TEX29: variants seen among roughly 807,000 people sequenced by gnomAD.
TEX29 encodes the protein testis expressed 29.
TEX29 carries 26 observed loss-of-function variants against 18.2 expected under a neutral mutation model. The ratio of observed to expected loss-of-function variants is 1.43; its 90% CI spans 1.04 to 1.98. The LOEUF is 1.98. Ranked by LOEUF, TEX29 falls within the 30% of genes most tolerant of loss-of-function variation. The probability of loss-of-function intolerance (pLI) is 0.00; values close to 1 mark genes in which losing one functional copy is unlikely to be tolerated. For synonymous variants in TEX29, 83 were observed against 78.5 expected, an observed-to-expected ratio of 1.06 and a Z score of -0.31; for missense variants, 177 against 194.2, an observed-to-expected ratio of 0.91 and a Z score of 0.53.
In TEX29 at chr13:111,333,859, C is replaced by T. The variant is rs545185369; in HGVS notation, c.169+5566C>T. 2.0e-5 allele frequency among the ~76,000 whole-genome samples: 3 copies of T among 152,260 alleles called. No homozygotes were observed. In the East Asian group the frequency reaches 5.8e-4, roughly 29 times the overall value. ...CATGAGACTATCATGGAGTAAACTG[C>T]CCCCATGAGCCAACCACCTCCCACC... On this transcript the variant is annotated intron_variant, in intron 3 of 5. Transcript: ENST00000283547.
chr13:111,342,656 C>T, intron 4 of TEX29, 100 bp from the exon 5 acceptor site: 4 of 1,145,142 alleles, frequency 3.5e-6, no homozygotes, highest in South Asian at 1.6e-5. Context: ...TGATCAGGAA[C>T]CTGTGTTTTC....
At chr13:111,325,803 A>G (rs1340495622) in intron 2 of TEX29, among the ~76,000 whole-genome samples, 1 of 152,236 alleles carries the variant, frequency 6.6e-6, no homozygotes, top group Admixed American at 6.5e-5. Context: ...ATGAGAAAGA[A>G]TGTATGAACG....
intron 3 of TEX29, among the ~76,000 whole-genome samples, chr13:111,338,679 G>T (rs2093692861): frequency 6.6e-6 from 1 of 152,194 alleles, no homozygotes; most frequent in African/African-American, 2.4e-5. Context: ...GTTTCTTTGA[G>T]AGAGTAAGAA....
At chr13:111,321,708 A>C (rs930033435) in intron 2 of TEX29, among the ~76,000 whole-genome samples, 6 of 152,182 alleles carry the variant, frequency 3.9e-5, no homozygotes, top group Non-Finnish European at 8.8e-5. Context: ...GGGCCACCTG[A>C]GGTCAGGAGT....
intron 2 of TEX29, among the ~76,000 whole-genome samples, chr13:111,323,220 G>GC (rs2093667578): frequency 6.6e-6 from 1 of 152,212 alleles, no homozygotes; most frequent in Non-Finnish European, 1.5e-5. Flanking sequence ...CCTCCAGACA[G>GC]CCCCCTAGCA....
chr13:111,328,383 G>A (rs1477978860), intron 3 of TEX29, 90 bp downstream of exon 3: 2 of 870,710 alleles, frequency 2.3e-6, no homozygotes, highest in Non-Finnish European at 3.8e-6. Context: ...CTTCCTCGGG[G>A]TCTCTGTTTG....
intron 3 of TEX29, among the ~76,000 whole-genome samples, chr13:111,329,057 T>C (rs2093678699): frequency 6.6e-6 from 1 of 152,240 alleles, no homozygotes; most frequent in African/African-American, 2.4e-5. Context: ...TGCACTGGCC[T>C]GCGCCGCTGA....
chr13:111,324,594 T>C (rs1035090365), intron 2 of TEX29, among the ~76,000 whole-genome samples: 2 of 151,602 alleles, frequency 1.3e-5, no homozygotes, highest in Non-Finnish European at 2.9e-5. Flanking sequence ...CTAGGAAGAA[T>C]TCCTGCAAGT....
chr13:111,343,261 C>T (rs1211017144), intron 5 of TEX29, among the ~76,000 whole-genome samples: 1 of 152,120 alleles, frequency 6.6e-6, no homozygotes, highest in Non-Finnish European at 1.5e-5. Flanking sequence ...GCAGAAACTG[C>T]ACATTTGATC....
At chr13:111,320,973 G>T (rs2153641104) in intron 2 of TEX29, 25 bp downstream of exon 2, 4 of 1,536,882 alleles carry the variant, frequency 2.6e-6, no homozygotes, top group Non-Finnish European at 3.6e-6. Context: ...CGCCAGGGGG[G>T]CGGGTGGGGT....
intron 3 of TEX29, among the ~76,000 whole-genome samples, chr13:111,334,420 G>C (rs938196101): frequency 2.6e-5 from 4 of 152,264 alleles, no homozygotes; most frequent in Non-Finnish European, 5.9e-5. Flanking sequence ...TGTGCGTGCT[G>C]AGGCACACCT....
At chr13:111,326,618 C>G (rs1272858583) in intron 2 of TEX29, among the ~76,000 whole-genome samples, 1 of 144,468 alleles carries the variant, frequency 6.9e-6, no homozygotes, top group African/African-American at 2.6e-5. Context: ...GCGAGCCTGT[C>G]TGGTGGGGTG....
intron 3 of TEX29, among the ~76,000 whole-genome samples, chr13:111,329,037 C>G (rs1031059159): frequency 6.6e-6 from 1 of 152,250 alleles, no homozygotes; most frequent in Non-Finnish European, 1.5e-5. Flanking sequence ...AGCATATTCT[C>G]GCCTGTGAGT....
chr13:111,338,295 C>G (rs898130965), intron 3 of TEX29, among the ~76,000 whole-genome samples: 3 of 152,062 alleles, frequency 2.0e-5, no homozygotes, highest in Non-Finnish European at 4.4e-5. Context: ...GGCTGGTGTC[C>G]TTGTAAAAAG....
intron 2 of TEX29, among the ~76,000 whole-genome samples, chr13:111,324,936 G>A (rs1031390454): frequency 1.2e-4 from 18 of 152,190 alleles, no homozygotes; most frequent in East Asian, 5.8e-4. Flanking sequence ...GGTGGCTGGC[G>A]GGAAGTGGGA....
At chr13:111,329,271 C>T (rs1285725329) in intron 3 of TEX29, among the ~76,000 whole-genome samples, 14 of 152,090 alleles carry the variant, frequency 9.2e-5, no homozygotes, top group South Asian at 6.2e-4. Flanking sequence ...AGATGATGGA[C>T]GTGGCTGATG....
At chr13:111,337,698 C>G (rs963652714) in intron 3 of TEX29, among the ~76,000 whole-genome samples, 1 of 152,070 alleles carries the variant, frequency 6.6e-6, no homozygotes, top group African/African-American at 2.4e-5. Flanking sequence ...GTTTCCCCTC[C>G]TCAGGTAAGC....
intron 4 of TEX29, among the ~76,000 whole-genome samples, chr13:111,340,229 A>C (rs2477472): frequency 8.8e-5 from 5 of 56,954 alleles, no homozygotes; most frequent in Non-Finnish European, 2.0e-4. Flanking sequence ...ATCATAACCC[A>C]TGTTTAGTGA....
intron 3 of TEX29, among the ~76,000 whole-genome samples, chr13:111,329,611 G>C (rs975741658): frequency 3.3e-5 from 5 of 151,922 alleles, no homozygotes; most frequent in Non-Finnish European, 5.9e-5. Context: ...GCTGCTCACC[G>C]CTTGCAAAGC....
Sources: gnomAD v4.1 joint callset for allele counts (sites outside exome capture counted in the v4.1 genomes callset) on GRCh38, gnomAD v4.1.1 for gene constraint, MANE v1.5 for transcripts, NCBI Gene and HGNC (gene_info 2026-07-23, HGNC 2026-07-21) for gene names.